The following CACNA1A variants were observed in gnomAD, a reference collection of about 807,000 sequenced individuals.
CACNA1A encodes calcium voltage-gated channel subunit alpha1 A.
CACNA1A carries 57 observed loss-of-function variants against 262.4 expected under a neutral mutation model. That is an observed-to-expected ratio of 0.22 (90% CI 0.18 to 0.27). The LOEUF (loss-of-function observed/expected upper bound fraction) is 0.27, where lower values mean the gene tolerates loss of function less well. CACNA1A is among the 10% of genes least tolerant of loss of function. The probability of loss-of-function intolerance (pLI) is 1.00; values close to 1 mark genes in which losing one functional copy is unlikely to be tolerated. For synonymous variants in CACNA1A, 1,431 were observed against 1,419.3 expected, an observed-to-expected ratio of 1.01 and a Z score of -0.18; for missense variants, 2,526 against 3,562.8, an observed-to-expected ratio of 0.71 and a Z score of 7.41.
chr19:13,455,748 T>C (rs550330034), intron 1 of CACNA1A, among the ~76,000 whole-genome samples: 1 of 151,734 alleles, frequency 6.6e-6, no homozygotes, highest in Non-Finnish European at 1.5e-5. Context: ...CAGGCACCTG[T>C]GGTCCCAGGT....
At chr19:13,359,205 G>C (rs375474902) in intron 6 of CACNA1A, among the ~76,000 whole-genome samples, 5 of 152,324 alleles carry the variant, frequency 3.3e-5, no homozygotes, top group African/African-American at 9.6e-5. Context: ...ATCCCACGGG[G>C]AGTGGTATGG....
At chr19:13,453,126 C>G in intron 2 of CACNA1A, 111 bp from the exon 3 acceptor site, 1 of 1,079,380 alleles carries the variant, frequency 9.3e-7, no homozygotes, top group East Asian at 2.4e-5. Flanking sequence ...CTTCCCCTGA[C>G]CCTCCTGCAC....
chr19:13,248,585 A>T (rs1445612095), intron 30 of CACNA1A, among the ~76,000 whole-genome samples: 2 of 151,942 alleles, frequency 1.3e-5, no homozygotes, highest in African/African-American at 4.8e-5. Flanking sequence ...GCTCATGCCT[A>T]TAATCCCAGC....
chr19:13,385,230 CTTT>C (rs911743392), intron 3 of CACNA1A, among the ~76,000 whole-genome samples: 4 of 139,652 alleles, frequency 2.9e-5, no homozygotes, highest in Admixed American at 7.1e-5. Context: ...TTCTTTCTTT[CTTT>C]TTTTTTTTTT....
intron 3 of CACNA1A, among the ~76,000 whole-genome samples, chr19:13,418,286 G>C (rs560915445): frequency 4.0e-4 from 61 of 152,206 alleles, no homozygotes; most frequent in African/African-American, 1.4e-3. Flanking sequence ...GAGTGGAGGT[G>C]GGGGCAGAAC....
rs896790084 is a variant in CACNA1A, at chr19:13,489,003, C to CTTTTTT, written c.293+16923_293+16928dup. Among the ~76,000 whole-genome samples, 412 of 75,250 alleles carry CTTTTTT rather than the reference C, an allele frequency of 5.5e-3. 15 individuals carry two copies. Among genetic ancestry groups the CTTTTTT allele is most frequent in the African/African-American group, 8.6e-3 (118 of 13,788 alleles). 49.4% of individuals were successfully genotyped at this position (75,250 alleles called of 152,430 possible). A position where few individuals can be genotyped will look rare whatever the true frequency, so the allele number is the denominator to read the frequency against. ...TATTGTAATTAATTTCTTTTCTTTTCTTTTTTTTTTTTTTTTTTTTTTTTT... is the reference window on the plus strand; with the variant it reads ...TATTGTAATTAATTTCTTTTCTTTTCTTTTTTTTTTTTTTTTTTTTTTTTTTTTTTT... On this transcript the variant is annotated intron_variant, in intron 1 of 46. Coordinates refer to ENST00000360228, the MANE Select transcript of CACNA1A (RefSeq NM_001127222.2).
chr19:13,276,366 C>T (rs1434009378), intron 23 of CACNA1A, among the ~76,000 whole-genome samples: 1 of 152,212 alleles, frequency 6.6e-6, no homozygotes, highest in East Asian at 1.9e-4. Flanking sequence ...AGTGTGATCA[C>T]CTGCTCACAG....
chr19:13,350,508 C>T (rs953410961), intron 6 of CACNA1A, among the ~76,000 whole-genome samples: 1 of 152,168 alleles, frequency 6.6e-6, no homozygotes, highest in Non-Finnish European at 1.5e-5. Flanking sequence ...ACATTTTCTT[C>T]CATGATGATT....
At chr19:13,247,252 T>C (rs2056261833) in intron 30 of CACNA1A, among the ~76,000 whole-genome samples, 2 of 152,222 alleles carry the variant, frequency 1.3e-5, no homozygotes, top group Admixed American at 1.3e-4. Flanking sequence ...TGTGCTTCCC[T>C]CCTAGGCGAA....
chr19:13,267,945 A>G (rs2056904879), intron 24 of CACNA1A, among the ~76,000 whole-genome samples: 1 of 151,848 alleles, frequency 6.6e-6, no homozygotes, highest in Admixed American at 6.6e-5. Context: ...CATTTTTTGT[A>G]GAGACGGGGG....
chr19:13,431,715 A>T (rs1242325323), intron 3 of CACNA1A, among the ~76,000 whole-genome samples: 2 of 152,206 alleles, frequency 1.3e-5, no homozygotes, highest in Non-Finnish European at 2.9e-5. Context: ...AGCAAATTCC[A>T]TCTTTTGCGA....
chr19:13,267,129 T>TGA (rs146993344), intron 24 of CACNA1A, among the ~76,000 whole-genome samples: 28 of 149,396 alleles, frequency 1.9e-4, no homozygotes, highest in South Asian at 4.3e-4. Context: ...AGACAGAATA[T>TGA]GAGAGAGAGA....
chr19:13,336,637 GA>G (rs2058580602), intron 6 of CACNA1A, among the ~76,000 whole-genome samples: 1 of 148,888 alleles, frequency 6.7e-6, no homozygotes, highest in African/African-American at 2.5e-5. Context: ...GAGAGAGAGA[GA>G]GAAAAGAATG....
At chr19:13,320,978 G>A (rs1350224664) in intron 10 of CACNA1A, among the ~76,000 whole-genome samples, 1 of 151,446 alleles carries the variant, frequency 6.6e-6, no homozygotes, top group Non-Finnish European at 1.5e-5. Flanking sequence ...CCACATTCAA[G>A]GGATCAAGAG....
chr19:13,494,299 TGAGATGTTCA>T (rs1981242445), intron 1 of CACNA1A, among the ~76,000 whole-genome samples: 1 of 152,186 alleles, frequency 6.6e-6, no homozygotes, highest in Non-Finnish European at 1.5e-5. Context: ...TTTTTGTACA[TGAGATGTTCA>T]GTAAATGAAA....
At chr19:13,399,338 TCCTC>T (rs1207825994) in intron 3 of CACNA1A, among the ~76,000 whole-genome samples, 3 of 150,766 alleles carry the variant, frequency 2.0e-5, no homozygotes, top group African/African-American at 7.3e-5. Flanking sequence ...AATTCTGACT[TCCTC>T]CCTCCTTCCT....
At chr19:13,466,830 G>C (rs2061251676) in intron 1 of CACNA1A, among the ~76,000 whole-genome samples, 1 of 151,896 alleles carries the variant, frequency 6.6e-6, no homozygotes, top group Non-Finnish European at 1.5e-5. Context: ...AGAGAAGCAT[G>C]ATATGGACGG....
At chr19:13,409,687 G>A (rs537399410) in intron 3 of CACNA1A, among the ~76,000 whole-genome samples, 11 of 152,162 alleles carry the variant, frequency 7.2e-5, no homozygotes, top group Middle Eastern at 3.4e-3. Context: ...CTGGGACTAC[G>A]TGCATGCCAC....
intron 28 of CACNA1A, 34 bp downstream of exon 28, chr19:13,257,316 G>A (rs1428251543): frequency 1.9e-6 from 3 of 1,577,036 alleles, no homozygotes; most frequent in Non-Finnish European, 1.7e-6. Flanking sequence ...TGTGTCCCCA[G>A]TTTTTAAAGG....
Sources: allele counts gnomAD v4.1 joint callset (sites outside exome capture counted in the v4.1 genomes callset), GRCh38; gene constraint gnomAD v4.1.1; transcripts MANE v1.5; gene names NCBI Gene and HGNC (gene_info 2026-07-23, HGNC 2026-07-21).